The following MYOM3 variants were observed in gnomAD, a reference collection of about 807,000 sequenced individuals.
The protein encoded by MYOM3 is myomesin 3, also known as myomesin-3.
In MYOM3, 155 loss-of-function variants were observed where a neutral mutation model predicts 191.7. That is an observed-to-expected ratio of 0.81 (90% CI 0.71 to 0.92). The LOEUF is 0.92. Among genes scored for constraint, MYOM3 ranks in the 40% least tolerant of loss-of-function variants. The pLI is 0.00. For missense variants in MYOM3, 1,889 were observed against 1,890.6 expected (o/e 1.00, Z 0.02); for synonymous variants, 757 against 762.9 (o/e 0.99, Z 0.13).
chr1:24,057,518 C>T lies in MYOM3; in HGVS notation c.4160G>A (p.Gly1387Glu). 6.2e-7 allele frequency: 1 copy of T among 1,614,164 alleles called. No homozygotes were observed. The highest frequency in any genetic ancestry group is 8.5e-7 in the Non-Finnish European group (1 of 1,180,008). ...CTCAATGGTGATGGTGACCTCTGTC[C>T]CCCTCACTTCCATGCGGTATCGGTC... is the stretch of plus-strand genomic sequence containing the variant. ...FLDRYRMEVR[G>E]TEVTITIEKV... The change falls in exon 37 of 37, where the codon GGG becomes GAG. Residue 1387 changes from glycine (G) to glutamate (E), a missense_variant. By Grantham distance (98) the Gly-to-Glu change is moderately conservative (BLOSUM62 -2). Transcript: ENST00000374434.
chr1:24,092,578 C>G (rs1173566422), intron 10 of MYOM3, among the ~76,000 whole-genome samples: 1 of 152,174 alleles, frequency 6.6e-6, no homozygotes, highest in South Asian at 2.1e-4. Flanking sequence ...GCAGCCTTCC[C>G]CTCTTTGGAT....
At chr1:24,071,019 C>T in intron 25 of MYOM3, 98 bp downstream of exon 25, 3 of 1,418,956 alleles carry the variant, frequency 2.1e-6, no homozygotes, top group Non-Finnish European at 2.9e-6. Context: ...CTGAAATGGC[C>T]ACTAGGGGGA....
rs765947389 is a variant in MYOM3 at position 24,107,969 on chromosome 1, C to G, written c.242+24G>C. On this transcript the variant is annotated intron_variant, in intron 3 of 36. Coordinates refer to ENST00000374434, the MANE Select transcript of MYOM3 (RefSeq NM_152372.4). ...GGATGGCCCCTCCTCAGCCACGGCTCCCTGGGAAGCTTCTCTGACTCACCA... is the reference window on the plus strand; with the variant it reads ...GGATGGCCCCTCCTCAGCCACGGCTGCCTGGGAAGCTTCTCTGACTCACCA... 13 of 1,605,014 alleles carry G rather than the reference C, an allele frequency of 8.1e-6. No homozygotes were observed. In the Admixed American group the frequency reaches 2.2e-4, roughly 27 times the overall value.
chr1:24,071,176 A>G lies in MYOM3; in HGVS notation c.3091T>C (p.Leu1031=), dbSNP rs1643527785. 1 of 1,614,004 alleles carries G rather than the reference A, an allele frequency of 6.2e-7. No individual in the cohort carries two copies. Among genetic ancestry groups the G allele is most frequent in the African/African-American group, 1.3e-5 (1 of 74,928 alleles). The stretch of plus-strand genomic sequence containing the variant: ...AGATGTAGCTCAGCGGCTGGAGATA[A>G]CTTTTCTACTTCCAGCCAAAGCCGC... ...EVRLWLEVEK[L]SPAAELHLIF... Residue 1031 remains leucine, a synonymous_variant, in exon 25 of 37, where the codon TTA becomes CTA. Transcript: ENST00000374434.
At chr1:24,072,599 A>C (rs984574154) in intron 23 of MYOM3, among the ~76,000 whole-genome samples, 3 of 151,948 alleles carry the variant, frequency 2.0e-5, no homozygotes, top group Admixed American at 6.6e-5. Flanking sequence ...CAATGGTGCA[A>C]TCTTGGCTCA....
In MYOM3 at chr1:24,099,680, C is replaced by T. The variant is rs1245857238; in HGVS notation, c.656G>A (p.Arg219Lys). 1 of 1,612,956 alleles carries T rather than the reference C, an allele frequency of 6.2e-7. No homozygotes were observed. The highest frequency in any genetic ancestry group is 1.7e-5 in the Admixed American group (1 of 60,010). The stretch of plus-strand genomic sequence containing the variant: ...GGTCTCTCCAGGTCTCCAGTCTCAC[C>T]TCCTAATCTCCAGGGACAGCAGCCC... Reference protein sequence around the residue: ...NYGLLSLEIRRCAIEDSATYT... With the variant: ...NYGLLSLEIRKCAIEDSATYT... The change falls in exon 6 of 37, where the codon AGA becomes AAA. Residue 219 changes from arginine to lysine, a missense_variant and splice_region_variant. Physicochemically the swap from Arg to Lys is conservative, Grantham distance 26. Coordinates refer to ENST00000374434, the MANE Select transcript of MYOM3 (RefSeq NM_152372.4).
chr1:24,107,032 G>T, intron 4 of MYOM3, 41 bp downstream of exon 4: 1 of 1,554,426 alleles, frequency 6.4e-7, no homozygotes, highest in Non-Finnish European at 8.7e-7. Context: ...GTGGTGCGTC[G>T]CAGGTCCCAG....
rs1048487040 is a variant in MYOM3, at chr1:24,082,693, C to T, written c.1992G>A (p.Arg664=). Residue 664 remains arginine (R), a synonymous_variant, in exon 17 of 37, where the codon AGG becomes AGA. Coordinates refer to ENST00000374434, the MANE Select transcript of MYOM3 (RefSeq NM_152372.4). ...CACAAAACTCGTACTCCTTCCCCGT[C>T]CTCAGCCCGGGAACTGTAAACCTGG... The part of the protein sequence containing the change: ...QGTRFTVPGL[R]TGKEYEFCVR... 3 of 1,610,792 alleles carry T rather than the reference C, an allele frequency of 1.9e-6. No individual in the cohort carries two copies. The highest frequency in any genetic ancestry group is 1.7e-6 in the Non-Finnish European group (2 of 1,178,820).
rs1446495075 is a variant in MYOM3, at chr1:24,071,248, T to C, written c.3019A>G (p.Lys1007Glu). 2 of 1,612,610 alleles carry C rather than the reference T, an allele frequency of 1.2e-6. No homozygotes were observed. The highest frequency in any genetic ancestry group is 1.7e-6 in the Non-Finnish European group (2 of 1,179,412). The change falls in exon 25 of 37, where the codon AAA (lysine) becomes GAA (glutamate). Residue 1007 changes from lysine to glutamate, a missense_variant. Transcript: ENST00000374434. ...LSHEIRNPVI[K>E]LISGWNIDIL... ...TCAATGTTCCAGCCGGAGATCAGTT[T>C]GATCACTGGGAGGCGCAGGACGGGA...
Position 24,090,917 on chromosome 1 carries a change from C to T in MYOM3, c.1312G>A (p.Val438Ile), listed in dbSNP as rs762569125. ...CGGAACCGATAGCTCTGACCTTCGA[C>T]GAGGCCTTGGATTGGGCACCGACAA... ...GTCRCPIQGL[V>I]EGQSYRFRVR... Residue 438 changes from valine (V) to isoleucine (I), a missense_variant, in exon 12 of 37, where the codon GTC (valine) becomes ATC (isoleucine). Transcript: ENST00000374434. 1.1e-5 allele frequency: 18 copies of T among 1,613,914 alleles called. No individual in the cohort carries two copies. The highest frequency in any genetic ancestry group is 4.4e-5 in the South Asian group (4 of 91,070).
In MYOM3 at chr1:24,076,765, C is replaced by T. The variant is rs1473700336; in HGVS notation, c.2587-492G>A. On this transcript the variant is annotated intron_variant, in intron 20 of 36. Coordinates refer to ENST00000374434, the MANE Select transcript of MYOM3 (RefSeq NM_152372.4). ...TCCTGACCTCGTGATCCGCCCGCCT[C>T]GGCCTCCCAAAGTGCTGGGATTACA... Among the ~76,000 whole-genome samples the T allele has an allele frequency of 6.4e-5, 4 of 62,870 alleles. 1 individual carries two copies. The highest frequency in any genetic ancestry group is 1.0e-3 in the East Asian group (2 of 1,982). The allele number at this position is 62,870 out of a possible 152,430, so 41.2% of individuals were successfully genotyped here. A position where few individuals can be genotyped will look rare whatever the true frequency, so the allele number is the denominator to read the frequency against.
At chr1:24,081,721 C>A in intron 18 of MYOM3, 1 of 584,276 alleles carries the variant, frequency 1.7e-6, no homozygotes, top group East Asian at 2.9e-5. Flanking sequence ...TGCCACCACA[C>A]TCAGCTAATT....
At chr1:24,107,868 T>C in intron 3 of MYOM3, 125 bp downstream of exon 3, 1 of 795,034 alleles carries the variant, frequency 1.3e-6, no homozygotes. Context: ...TCTAGACCCT[T>C]ATTCTAGATG....
chr1:24,108,602 TC>T lies in MYOM3; in HGVS notation c.34del (p.Asp12ThrfsTer62). 3 of 1,565,252 alleles carry T rather than the reference TC, an allele frequency of 1.9e-6. No individual in the cohort carries two copies. Among genetic ancestry groups the T allele is most frequent in the South Asian group, 1.2e-5 (1 of 85,138 alleles). On this transcript the variant is annotated frameshift_variant, in exon 2 of 37. Coordinates refer to ENST00000374434, the MANE Select transcript of MYOM3 (RefSeq NM_152372.4). LOFTEE classifies it high-confidence loss of function. ...TLPHSLGGAG[D>X]PRPPQAMEVH... Reference sequence around the variant, plus strand: ...CTCCATGGCCTGGGGGGGCCGGGGGTCCCCCGCACCTCCCAAGCTGTGCGGC... The same window carrying T: ...CTCCATGGCCTGGGGGGGCCGGGGGTCCCCGCACCTCCCAAGCTGTGCGGC...
chr1:24,100,779 C>T (rs138108102), intron 5 of MYOM3, among the ~76,000 whole-genome samples: 222 of 151,528 alleles, frequency 1.5e-3, no homozygotes, highest in African/African-American at 5.1e-3. Flanking sequence ...CCCAGCTACT[C>T]GGGAGGTTGA....
intron 25 of MYOM3, among the ~76,000 whole-genome samples, chr1:24,069,048 T>C (rs887102850): frequency 1.3e-5 from 2 of 152,038 alleles, no homozygotes; most frequent in South Asian, 4.1e-4. Context: ...TCTTTTAAAA[T>C]AGGAAAAACC....
chr1:24,098,372 T>C (rs1643889917), intron 6 of MYOM3, among the ~76,000 whole-genome samples: 1 of 152,182 alleles, frequency 6.6e-6, no homozygotes, highest in Non-Finnish European at 1.5e-5. Context: ...ACAAGGATCC[T>C]GGAGCGGGAG....
At position 24,082,149 on chromosome 1, in the gene MYOM3, C is replaced by A. The variant is rs1643678169; in HGVS notation, c.2132G>T (p.Cys711Phe). 2 of 1,613,278 alleles carry A rather than the reference C, an allele frequency of 1.2e-6. No homozygotes were observed. Among genetic ancestry groups the A allele is most frequent in the Non-Finnish European group, 1.7e-6 (2 of 1,179,708 alleles). The change falls in exon 18 of 37, where the codon TGC becomes TTC. Residue 711 changes from cysteine (C) to phenylalanine (F), a missense_variant. Physicochemically the swap from Cys to Phe is radical, Grantham distance 205. Coordinates refer to ENST00000374434, the MANE Select transcript of MYOM3 (RefSeq NM_152372.4). ...SAPYGFALLN[C>F]GKNEMVIGWK... ...CCCAATGACCATTTCATTCTTCCCG[C>A]AGTTCAGGAGGGCAAAGCCATATGG...
chr1:24,079,976 GGC>G (rs1643646450), intron 20 of MYOM3, 38 bp downstream of exon 20: 2 of 1,540,026 alleles, frequency 1.3e-6, no homozygotes, highest in Non-Finnish European at 1.8e-6. Context: ...TGGCAGGGAA[GGC>G]TCAGGGCCAG....
Sources: gnomAD v4.1 joint callset for allele counts (sites outside exome capture counted in the v4.1 genomes callset) on GRCh38, gnomAD v4.1.1 for gene constraint, MANE v1.5 for transcripts, NCBI Gene and HGNC (gene_info 2026-07-23, HGNC 2026-07-21) for gene names.